Variants in CENPC observed in about 807,000 individuals in gnomAD.
CENPC encodes the protein centromere protein C.
In CENPC, 63 loss-of-function variants were observed where a neutral mutation model predicts 112.1. That is an observed-to-expected ratio of 0.56 (90% CI 0.46 to 0.69). CENPC has a LOEUF of 0.69. Among genes scored for constraint, CENPC ranks in the 30% least tolerant of loss-of-function variants. The pLI, the probability that CENPC is intolerant of heterozygous loss-of-function variation, is 0.00. For synonymous variants in CENPC, 333 were observed against 367.6 expected (o/e 0.91, Z 1.08); for missense variants, 1,000 against 1,103.8 (o/e 0.91, Z 1.33).
At chr4:67,535,555 A>G (rs1726693879) in intron 4 of CENPC, among the ~76,000 whole-genome samples, 1 of 152,184 alleles carries the variant, frequency 6.6e-6, no homozygotes, top group South Asian at 2.1e-4. Flanking sequence ...AATTAGTCAC[A>G]GGTGCACAGA....
At chr4:67,530,793 T>C in intron 5 of CENPC, 22 bp downstream of exon 5, 7 of 1,230,882 alleles carry the variant, frequency 5.7e-6, no homozygotes, top group South Asian at 1.4e-5. Flanking sequence ...AAGCAAATAA[T>C]GCCCATGGAG....
Position 67,512,510 on chromosome 4 carries a change from T to C in CENPC, c.1504A>G (p.Ser502Gly), listed in dbSNP as rs374698756. The C allele has an allele frequency of 1.2e-5, 19 of 1,584,238 alleles. No homozygotes were observed. The highest frequency in any genetic ancestry group is 1.6e-5 in the Non-Finnish European group (19 of 1,166,410). The change falls in exon 9 of 19, where the codon AGT (serine) becomes GGT (glycine). Residue 502 changes from serine to glycine, a missense_variant. Transcript: ENST00000273853. The part of the protein sequence containing the change: ...KEESKKKRFS[S>G]ESKNKLVPEE... ...GGTACAAGTTTGTTCTTGGACTCAC[T>C]GGAAAAGCGCTTCTTTTTAGATTCT...
At position 67,505,185 on chromosome 4, in the gene CENPC, G is replaced by GAA; in HGVS notation, c.2131+18_2131+19dup. 6.6e-7 allele frequency: 1 copy of GAA among 1,511,326 alleles called. No homozygotes were observed. 93.6% of individuals were successfully genotyped at this position (1,511,326 alleles called of 1,614,324 possible). ...TCATAATGCCATAAAAATCAAGACA[G>GAA]AAAAAAAACAATAGTTTACCTGAAC... On this transcript the variant is annotated intron_variant, in intron 12 of 18. Transcript: ENST00000273853.
intron 5 of CENPC, among the ~76,000 whole-genome samples, chr4:67,525,972 C>A (rs1726364878): frequency 6.6e-6 from 1 of 152,140 alleles, no homozygotes; most frequent in African/African-American, 2.4e-5. Context: ...AGATATACAC[C>A]ACAGAATACT....
At chr4:67,503,221 C>T (rs149833949) in intron 12 of CENPC, among the ~76,000 whole-genome samples, 2 of 152,216 alleles carry the variant, frequency 1.3e-5, no homozygotes, top group South Asian at 4.2e-4. Context: ...TCTGCTCTAA[C>T]CCTCTGGCCT....
chr4:67,530,483 T>A (rs1242726298), intron 5 of CENPC, among the ~76,000 whole-genome samples: 2 of 152,032 alleles, frequency 1.3e-5, no homozygotes, highest in South Asian at 4.1e-4. Flanking sequence ...AAAGGCTACC[T>A]CAGCAGAATG....
At chr4:67,478,388 C>T (rs1224594303) in intron 17 of CENPC, among the ~76,000 whole-genome samples, 1 of 152,094 alleles carries the variant, frequency 6.6e-6, no homozygotes, top group Non-Finnish European at 1.5e-5. Flanking sequence ...GGACTGAGGT[C>T]CTATCTTTAT....
At chr4:67,508,731 C>T in intron 10 of CENPC, 83 bp downstream of exon 10, 1 of 1,268,712 alleles carries the variant, frequency 7.9e-7, no homozygotes, top group Non-Finnish European at 1.1e-6. Flanking sequence ...CTAATTACTG[C>T]CTGTCCATAA....
chr4:67,476,835 A>C (rs147128635), intron 17 of CENPC, among the ~76,000 whole-genome samples: 1,616 of 152,314 alleles, frequency 0.011, 13 homozygotes, highest in Non-Finnish European at 0.017. Flanking sequence ...GGTGGGGCAC[A>C]GTAGGAGTGA....
intron 10 of CENPC, among the ~76,000 whole-genome samples, chr4:67,508,450 T>C (rs1725794973): frequency 7.1e-6 from 1 of 141,398 alleles, no homozygotes; most frequent in Non-Finnish European, 1.5e-5. Context: ...AGTTTGAGGT[T>C]ACAGTGGGCT....
intron 17 of CENPC, among the ~76,000 whole-genome samples, chr4:67,478,821 A>G (rs1479128696): frequency 6.6e-6 from 1 of 152,198 alleles, no homozygotes; most frequent in East Asian, 1.9e-4. Flanking sequence ...GCTGTCCTCA[A>G]AAGACTCACT....
chr4:67,532,516 G>C (rs557384876), intron 4 of CENPC, among the ~76,000 whole-genome samples: 3 of 152,230 alleles, frequency 2.0e-5, no homozygotes, highest in Non-Finnish European at 4.4e-5. Context: ...ATCAATGATA[G>C]AGTGGATTAA....
chr4:67,535,162 T>C (rs1726679981), intron 4 of CENPC, among the ~76,000 whole-genome samples: 2 of 152,122 alleles, frequency 1.3e-5, no homozygotes, highest in South Asian at 4.1e-4. Context: ...TATATTATTT[T>C]TTAATTAAAG....
At chr4:67,536,184 T>C (rs956506915) in intron 4 of CENPC, among the ~76,000 whole-genome samples, 1 of 152,088 alleles carries the variant, frequency 6.6e-6, no homozygotes, top group African/African-American at 2.4e-5. Flanking sequence ...GTAATAACTA[T>C]GAGGAAGATC....
intron 12 of CENPC, among the ~76,000 whole-genome samples, chr4:67,495,886 C>T (rs1055927247): frequency 2.0e-5 from 3 of 152,206 alleles, no homozygotes; most frequent in South Asian, 2.1e-4. Context: ...GCTGTCATCC[C>T]TTCTTTGCCT....
rs71598029 is a variant in CENPC at position 67,512,679 on chromosome 4, T to C, written c.1445-110A>G. The C allele has an allele frequency of 9.3e-3, 6,729 of 722,210 alleles. 51 individuals carry two copies. The highest frequency in any genetic ancestry group is 0.011 in the Non-Finnish European group (5,204 of 473,126). The allele number at this position is 722,210 out of a possible 1,614,324, so 44.7% of individuals were successfully genotyped here. A position where few individuals can be genotyped will look rare whatever the true frequency, so the allele number is the denominator to read the frequency against. On this transcript the variant is annotated intron_variant, in intron 8 of 18. Coordinates refer to ENST00000273853, the MANE Select transcript of CENPC (RefSeq NM_001812.4). ...TTACAGGAACTTCTTAAATTTATCC[T>C]GTGGCCTTTTCATCTCCATTTTTAA...
chr4:67,531,726 T>C (rs895472192), intron 4 of CENPC, among the ~76,000 whole-genome samples: 2 of 152,190 alleles, frequency 1.3e-5, no homozygotes, highest in Non-Finnish European at 2.9e-5. Context: ...GTACATTCTA[T>C]ATGGCCCCTT....
chr4:67,491,174 T>TTAG (rs1560422964), intron 16 of CENPC, among the ~76,000 whole-genome samples: 1 of 149,082 alleles, frequency 6.7e-6, no homozygotes, highest in Non-Finnish European at 1.5e-5. Context: ...CTAACTAGTT[T>TTAG]TATTATTATT....
intron 4 of CENPC, among the ~76,000 whole-genome samples, chr4:67,532,876 C>T (rs542792653): frequency 1.5e-4 from 23 of 152,194 alleles, no homozygotes; most frequent in South Asian, 8.3e-4. Flanking sequence ...TGCACATGTA[C>T]CCTAAAATTT....
Sources: gnomAD v4.1 joint callset for allele counts (sites outside exome capture counted in the v4.1 genomes callset) on GRCh38, gnomAD v4.1.1 for gene constraint, MANE v1.5 for transcripts, NCBI Gene and HGNC (gene_info 2026-07-23, HGNC 2026-07-21) for gene names.